The following TBC1D21 variants were observed in gnomAD, a reference collection of about 807,000 sequenced individuals.
TBC1D21 encodes the protein TBC1 domain family member 21, also known as male germ cell Rab GTPase-activating protein.
TBC1D21 carries 38 observed loss-of-function variants against 46.0 expected under a neutral mutation model. That is an observed-to-expected ratio of 0.83 (90% CI 0.64 to 1.08). The LOEUF (loss-of-function observed/expected upper bound fraction) is 1.08, where lower values mean the gene tolerates loss of function less well. Among genes scored for constraint, TBC1D21 ranks in the 50% least tolerant of loss-of-function variants. The probability of loss-of-function intolerance (pLI) is 0.00; values close to 1 mark genes in which losing one functional copy is unlikely to be tolerated. For synonymous variants in TBC1D21, 151 were observed against 157.2 expected, an observed-to-expected ratio of 0.96 and a Z score of 0.29; for missense variants, 415 against 417.9, an observed-to-expected ratio of 0.99 and a Z score of 0.06.
At chr15:73,880,907 T>A (rs573308956) in intron 1 of TBC1D21, among the ~76,000 whole-genome samples, 1 of 152,338 alleles carries the variant, frequency 6.6e-6, no homozygotes, top group South Asian at 2.1e-4. Flanking sequence ...TAGTAGTCAA[T>A]GCATTATATA....
chr15:73,882,452 T>C (rs879227054), intron 3 of TBC1D21, among the ~76,000 whole-genome samples: 1 of 152,066 alleles, frequency 6.6e-6, no homozygotes, highest in Non-Finnish European at 1.5e-5. Flanking sequence ...CCCTCCACAA[T>C]GGCTTTCTAT....
rs746387892 is a variant in TBC1D21, at chr15:73,881,654, C to T, written c.179C>T (p.Pro60Leu). The T allele has an allele frequency of 1.2e-6, 2 of 1,613,910 alleles. No individual in the cohort carries two copies. Among genetic ancestry groups the T allele is most frequent in the Admixed American group, 1.7e-5 (1 of 60,014 alleles). ...CCACCCCCACCCCAGGGTCTGCACCCCTTCGTGAGGACTGAAGCCTGGAAA... is the reference window on the plus strand; with the variant it reads ...CCACCCCCACCCCAGGGTCTGCACCTCTTCGTGAGGACTGAAGCCTGGAAA... The part of the protein sequence containing the change: ...CVNILERGLH[P>L]FVRTEAWKFL... Residue 60 changes from proline (P) to leucine (L), a missense_variant, in exon 3 of 11, where the codon CCC becomes CTC. Coordinates refer to ENST00000300504, the MANE Select transcript of TBC1D21 (RefSeq NM_153356.3).
At position 73,875,600 on chromosome 15, in the gene TBC1D21, T is replaced by G. The variant is rs114150503; in HGVS notation, c.60+1831T>G. ...GACTGAGCCACTTAGGGCTCCCACT[T>G]CTGGTCCCCTTCCCCAGGGGAAGAA... On this transcript the variant is annotated intron_variant, in intron 1 of 10. Coordinates refer to ENST00000300504, the MANE Select transcript of TBC1D21 (RefSeq NM_153356.3). 3.3e-3 allele frequency among the ~76,000 whole-genome samples: 505 copies of G among 152,264 alleles called. 4 individuals carry two copies. Among genetic ancestry groups the G allele is most frequent in the African/African-American group, 0.011 (476 of 41,566 alleles).
intron 3 of TBC1D21, among the ~76,000 whole-genome samples, chr15:73,882,927 T>G (rs575302583): frequency 5.5e-4 from 84 of 152,206 alleles, no homozygotes; most frequent in Non-Finnish European, 9.6e-4. Flanking sequence ...CCTCCCAGGT[T>G]GAATGCAAAC....
intron 1 of TBC1D21, among the ~76,000 whole-genome samples, chr15:73,874,031 C>T (rs1038262832): frequency 6.6e-6 from 1 of 152,178 alleles, no homozygotes; most frequent in Non-Finnish European, 1.5e-5. Context: ...TTTGCAGGTG[C>T]GAACCTGAAG....
At chr15:73,888,873 G>C (rs943967995) in intron 10 of TBC1D21, among the ~76,000 whole-genome samples, 196 bp from the exon 11 acceptor site, 2 of 152,156 alleles carry the variant, frequency 1.3e-5, no homozygotes, top group Non-Finnish European at 2.9e-5. Flanking sequence ...TGGTCTTCTC[G>C]TTGTTTGCAC....
chr15:73,876,099 G>A (rs1330677590), intron 1 of TBC1D21, among the ~76,000 whole-genome samples: 1 of 151,806 alleles, frequency 6.6e-6, no homozygotes, highest in East Asian at 1.9e-4. Flanking sequence ...TAGTCTTGTG[G>A]GTGGCCTATA....
the TBC1D21 span, among the ~76,000 whole-genome samples, chr15:73,904,054 AT>A: frequency 1.7e-5 from 2 of 118,498 alleles, no homozygotes; most frequent in African/African-American, 2.7e-5. Context: ...TCTCAAAAAA[AT>A]ATATATATAT....
chr15:73,903,831 G>C, the TBC1D21 span, among the ~76,000 whole-genome samples: 1 of 152,202 alleles, frequency 6.6e-6, no homozygotes, highest in Non-Finnish European at 1.5e-5. Context: ...CGAGGGGCTT[G>C]AGGTGAGGAG....
chr15:73,897,891 G>C, the TBC1D21 span, among the ~76,000 whole-genome samples: 3 of 152,214 alleles, frequency 2.0e-5, no homozygotes, highest in Non-Finnish European at 4.4e-5. Flanking sequence ...GCAGCCCTAG[G>C]ACCCTGTGAG....
chr15:73,898,880 A>AAAAAAAAAT, the TBC1D21 span, among the ~76,000 whole-genome samples: 297 of 56,748 alleles, frequency 5.2e-3, 9 homozygotes, highest in Non-Finnish European at 5.5e-3. Flanking sequence ...AAAAAAAAAA[A>AAAAAAAAAT]ATATATATAT....
chr15:73,892,134 C>G (rs573711677), downstream of TBC1D21, among the ~76,000 whole-genome samples: 75 of 152,338 alleles, frequency 4.9e-4, 2 homozygotes, highest in South Asian at 0.015. Context: ...CCAGACTCAG[C>G]CAGCCTCAGG....
the TBC1D21 span, among the ~76,000 whole-genome samples, chr15:73,909,456 T>C: frequency 0.16 from 24,657 of 152,070 alleles, 2,140 homozygotes; most frequent in South Asian, 0.21. Flanking sequence ...GTTGTGGTGG[T>C]TGTTGCCCTT....
the TBC1D21 span, among the ~76,000 whole-genome samples, chr15:73,907,582 T>C: frequency 6.6e-6 from 1 of 152,214 alleles, no homozygotes; most frequent in African/African-American, 2.4e-5. Flanking sequence ...GAGTTGGGCT[T>C]CTGTCACTTG....
At chr15:73,879,639 C>T (rs1331587293) in intron 1 of TBC1D21, among the ~76,000 whole-genome samples, 13 of 152,242 alleles carry the variant, frequency 8.5e-5, no homozygotes, top group Admixed American at 7.8e-4. Context: ...TGAATCAACT[C>T]TGCACCTGCA....
At chr15:73,887,072 A>G (rs1330594926) in intron 8 of TBC1D21, among the ~76,000 whole-genome samples, 1 of 152,100 alleles carries the variant, frequency 6.6e-6, no homozygotes, top group East Asian at 1.9e-4. Flanking sequence ...CCATCAGCAG[A>G]TGAACCCTCT....
chr15:73,901,685 T>C, the TBC1D21 span, among the ~76,000 whole-genome samples: 1 of 152,202 alleles, frequency 6.6e-6, no homozygotes, highest in Non-Finnish European at 1.5e-5. Flanking sequence ...GGGTGCTGCC[T>C]GCATTCCTGG....
chr15:73,899,657 C>T, the TBC1D21 span, among the ~76,000 whole-genome samples: 8 of 152,154 alleles, frequency 5.3e-5, no homozygotes, highest in South Asian at 2.1e-4. Context: ...GAGGAACAGC[C>T]GTCGCCCTTG....
At chr15:73,893,415 C>G (rs1249613484), downstream of TBC1D21, among the ~76,000 whole-genome samples, 2 of 152,194 alleles carry the variant, frequency 1.3e-5, no homozygotes, top group Non-Finnish European at 2.9e-5. Flanking sequence ...TGGTCCTGAG[C>G]CAGATATGAA....
Sources: gnomAD v4.1 joint callset for allele counts (sites outside exome capture counted in the v4.1 genomes callset) on GRCh38, gnomAD v4.1.1 for gene constraint, MANE v1.5 for transcripts, NCBI Gene and HGNC (gene_info 2026-07-23, HGNC 2026-07-21) for gene names.